Variants in FAM228A observed in about 807,000 individuals in gnomAD.
The protein encoded by FAM228A is protein FAM228A.
In FAM228A, 13 loss-of-function variants were observed where a neutral mutation model predicts 18.6. That is an observed-to-expected ratio of 0.70 (90% CI 0.45 to 1.11). The LOEUF (loss-of-function observed/expected upper bound fraction) is 1.11, where lower values mean the gene tolerates loss of function less well. Among genes scored for constraint, FAM228A ranks in the 50% least tolerant of loss-of-function variants. The pLI is 0.00. For missense variants in FAM228A, 240 were observed against 242.2 expected (o/e 0.99, Z 0.06); for synonymous variants, 77 against 86.6 (o/e 0.89, Z 0.61).
intron 5 of FAM228A, 122 bp from the exon 6 acceptor site, chr2:24,190,290 C>A: frequency 3.3e-6 from 4 of 1,212,432 alleles, no homozygotes; most frequent in Non-Finnish European, 3.4e-6. Flanking sequence ...CCAGTGATGG[C>A]TGGTCAGTCG....
intron 3 of FAM228A, among the ~76,000 whole-genome samples, chr2:24,178,602 T>G (rs1251668542): frequency 6.6e-6 from 1 of 152,120 alleles, no homozygotes; most frequent in African/African-American, 2.4e-5. Flanking sequence ...AACTTTGACA[T>G]TTGAATTGTG....
intron 2 of FAM228A, among the ~76,000 whole-genome samples, chr2:24,176,627 CAT>C (rs1223736051): frequency 6.6e-6 from 1 of 152,230 alleles, no homozygotes; most frequent in Non-Finnish European, 1.5e-5. Flanking sequence ...TTTTAGATCT[CAT>C]GTGAAGCTAT....
At chr2:24,182,946 TCTC>T (rs1445118331) in intron 3 of FAM228A, among the ~76,000 whole-genome samples, 3 of 151,266 alleles carry the variant, frequency 2.0e-5, no homozygotes, top group Non-Finnish European at 3.0e-5. Flanking sequence ...GGGCCTTTCT[TCTC>T]AGCTGCTTTG....
rs998721292 is a variant in FAM228A, at chr2:24,191,427, C to T, written c.*796C>T. On this transcript the variant is annotated 3_prime_UTR_variant, in exon 6 of 6. Coordinates refer to ENST00000295150, the MANE Select transcript of FAM228A (RefSeq NM_001040710.3). ...GTCTCTCCAGGGAGTAAGGGATTCT[C>T]CGTCTGTGGTAAGTTACCTGTGACT... 1.0e-6 allele frequency: 1 copy of T among 985,344 alleles called. No individual in the cohort carries two copies. The highest frequency in any genetic ancestry group is 6.1e-5 in the Admixed American group (1 of 16,268). The allele number at this position is 985,344 out of a possible 1,614,324, so 61.0% of individuals were successfully genotyped here.
intron 5 of FAM228A, among the ~76,000 whole-genome samples, chr2:24,189,026 T>G (rs1668019274): frequency 6.6e-6 from 1 of 152,186 alleles, no homozygotes; most frequent in Non-Finnish European, 1.5e-5. Flanking sequence ...CATTTTTATT[T>G]AAACACCAGT....
At chr2:24,184,475 A>G (rs1667896326) in intron 5 of FAM228A, among the ~76,000 whole-genome samples, 1 of 150,908 alleles carries the variant, frequency 6.6e-6, no homozygotes, top group African/African-American at 2.4e-5. Flanking sequence ...TTTGCTCACC[A>G]TTATGTTTTT....
At chr2:24,175,336 C>T (rs1667653583) in intron 1 of FAM228A, 131 bp from the exon 2 acceptor site, 7 of 694,968 alleles carry the variant, frequency 1.0e-5, no homozygotes. Flanking sequence ...CCAAGGATCC[C>T]AGTTTGTTGG....
intron 5 of FAM228A, among the ~76,000 whole-genome samples, chr2:24,186,279 T>C (rs1573807943): frequency 6.6e-6 from 1 of 152,140 alleles, no homozygotes; most frequent in South Asian, 2.1e-4. Context: ...GGATTACAGG[T>C]GTGAGCCACT....
In FAM228A at chr2:24,191,144, GAC is replaced by G. The variant is rs1435059073; in HGVS notation, c.*517_*518del. ...CTTATCCAGAGCTCATGGTTCATTT[GAC>G]ACAGTTTTCAGCTCCTGGTCTATTT... On this transcript the variant is annotated 3_prime_UTR_variant, in exon 6 of 6. Coordinates refer to ENST00000295150, the MANE Select transcript of FAM228A (RefSeq NM_001040710.3). The G allele has an allele frequency of 2.0e-6, 2 of 985,606 alleles. No individual in the cohort carries two copies. The highest frequency in any genetic ancestry group is 2.4e-6 in the Non-Finnish European group (2 of 830,078). The allele number at this position is 985,606 out of a possible 1,614,324, so 61.1% of individuals were successfully genotyped here.
chr2:24,189,607 T>C lies in FAM228A; in HGVS notation c.402-805T>C, dbSNP rs2151049678. ...ATAGTAGATCATGAATAAGTGGTTG[T>C]TGAATGAATTAATGGAGGAAGAAAA... is the stretch of plus-strand genomic sequence containing the variant. On this transcript the variant is annotated intron_variant, in intron 5 of 5. Transcript: ENST00000295150. Among the ~76,000 whole-genome samples, 4 of 152,232 alleles carry C rather than the reference T, an allele frequency of 2.6e-5. No individual in the cohort carries two copies. In the Middle Eastern group the frequency reaches 0.014, roughly 518 times the overall value.
At chr2:24,178,893 A>G (rs998329580) in intron 3 of FAM228A, among the ~76,000 whole-genome samples, 3 of 152,232 alleles carry the variant, frequency 2.0e-5, no homozygotes, top group African/African-American at 7.2e-5. Context: ...AGGCACAGTT[A>G]TGGTTTAGAA....
At chr2:24,179,173 T>TA (rs998786318) in intron 3 of FAM228A, 22 of 1,176,248 alleles carry the variant, frequency 1.9e-5, no homozygotes, top group Non-Finnish European at 2.2e-5. Flanking sequence ...AGATGTTACA[T>TA]AAAAAATGGG....
At position 24,183,337 on chromosome 2, in the gene FAM228A, A is replaced by G; in HGVS notation, c.215A>G (p.Asp72Gly). 6.2e-7 allele frequency: 1 copy of G among 1,614,146 alleles called. No homozygotes were observed. The highest frequency in any genetic ancestry group is 8.5e-7 in the Non-Finnish European group (1 of 1,179,964). The change falls in exon 4 of 6, where the codon GAT becomes GGT. Residue 72 changes from aspartate (D) to glycine (G), a missense_variant. Coordinates refer to ENST00000295150, the MANE Select transcript of FAM228A (RefSeq NM_001040710.3). ...CTGTTTCAAAGACAGCAAGAGGTGGATGAAGAGAGGAGAACTGGTCTTCAG... is the reference window on the plus strand; with the variant it reads ...CTGTTTCAAAGACAGCAAGAGGTGGGTGAAGAGAGGAGAACTGGTCTTCAG... ...DPLFQRQQEV[D>G]EERRTGLQCE...
Position 24,175,496 on chromosome 2 carries a change from A to G in FAM228A, c.16A>G (p.Thr6Ala). MAATKTASYDEHFRPE... is the reference protein window; with the variant it reads MAATKAASYDEHFRPE... ...TCTCCTGTCCATGGCTGCCACCAAA[A>G]CTGCGAGTTATGATGAACATTTCAG... The change falls in exon 2 of 6, where the codon ACT (threonine) becomes GCT (alanine). Residue 6 changes from threonine (T) to alanine (A), a missense_variant. Thr to Ala is a moderately conservative substitution (Grantham distance 58). Transcript: ENST00000295150. 1 of 1,614,070 alleles carries G rather than the reference A, an allele frequency of 6.2e-7. No individual in the cohort carries two copies. The highest frequency in any genetic ancestry group is 8.5e-7 in the Non-Finnish European group (1 of 1,179,948).
chr2:24,184,360 A>G (rs1667892307), intron 5 of FAM228A, among the ~76,000 whole-genome samples: 1 of 149,380 alleles, frequency 6.7e-6, no homozygotes, highest in Non-Finnish European at 1.5e-5. Context: ...AGCCTGGGCA[A>G]CAGAGTGAGA....
intron 5 of FAM228A, among the ~76,000 whole-genome samples, chr2:24,187,186 A>G (rs981799655): frequency 2.0e-5 from 3 of 152,206 alleles, no homozygotes; most frequent in African/African-American, 7.2e-5. Context: ...ACAAATAAAC[A>G]ACAGAAATAT....
At chr2:24,188,712 T>A in intron 5 of FAM228A, 1 of 909,576 alleles carries the variant, frequency 1.1e-6, no homozygotes, top group Non-Finnish European at 1.3e-6. Context: ...GTCAACTCAT[T>A]CCTGAAGGCT....
At chr2:24,175,228 G>T in intron 1 of FAM228A, 54 bp downstream of exon 1, 1 of 469,958 alleles carries the variant, frequency 2.1e-6, no homozygotes, top group Non-Finnish European at 3.9e-6. Flanking sequence ...AGGGAGGGCT[G>T]TGGCAGGGCC....
rs578090368 is a variant in FAM228A, at chr2:24,176,578, CT to C, written c.93+1008del. Among the ~76,000 whole-genome samples the C allele has an allele frequency of 2.0e-3, 302 of 152,320 alleles. 1 individual carries two copies. The highest frequency in any genetic ancestry group is 3.3e-3 in the Non-Finnish European group (227 of 68,028). On this transcript the variant is annotated intron_variant, in intron 2 of 5. Transcript: ENST00000295150. The stretch of plus-strand genomic sequence containing the variant: ...GATCCTGTTCCTATTACAAAGAGAG[CT>C]TTATTTTAGGAAGACCTGGGCAGCT...
Sources: allele counts gnomAD v4.1 joint callset (sites outside exome capture counted in the v4.1 genomes callset), GRCh38; gene constraint gnomAD v4.1.1; transcripts MANE v1.5; gene names NCBI Gene and HGNC (gene_info 2026-07-23, HGNC 2026-07-21).